Variants in BCL7C observed in about 807,000 individuals in gnomAD.
The protein encoded by BCL7C is B-cell CLL/lymphoma 7 protein family member C.
In BCL7C, 8 loss-of-function variants were observed where a neutral mutation model predicts 26.2. The ratio of observed to expected loss-of-function variants is 0.30; its 90% CI spans 0.18 to 0.55. The LOEUF (loss-of-function observed/expected upper bound fraction) is 0.55. BCL7C is among the 20% of genes least tolerant of loss of function. BCL7C has a pLI of 0.93. For missense variants in BCL7C, 262 were observed against 298.5 expected (o/e 0.88, Z 0.90); for synonymous variants, 90 against 116.5 (o/e 0.77, Z 1.47).
chr16:30,863,625 C>T (rs532853965), intron 5 of BCL7C, among the ~76,000 whole-genome samples: 22 of 152,282 alleles, frequency 1.4e-4, no homozygotes, highest in African/African-American at 3.8e-4. Context: ...CTGTCCCTCA[C>T]GGCTAGTTTT....
chr16:30,878,078 G>A (rs1372390774), intron 5 of BCL7C, among the ~76,000 whole-genome samples: 1 of 152,062 alleles, frequency 6.6e-6, no homozygotes, highest in African/African-American at 2.4e-5. Context: ...GGGAGGCTGA[G>A]GCACGAGAAT....
At chr16:30,836,650 A>G (rs1009026148) in intron 5 of BCL7C, among the ~76,000 whole-genome samples, 5 of 151,356 alleles carry the variant, frequency 3.3e-5, no homozygotes, top group African/African-American at 9.7e-5. Flanking sequence ...TAATTTTTGT[A>G]TTTTTTGTAG....
chr16:30,859,786 C>T (rs948401008), intron 5 of BCL7C, among the ~76,000 whole-genome samples: 6 of 152,214 alleles, frequency 3.9e-5, no homozygotes, highest in African/African-American at 1.2e-4. Flanking sequence ...ATTCTGTTTT[C>T]GGACTCTGCC....
chr16:30,839,857 T>C (rs1294671947), intron 5 of BCL7C, among the ~76,000 whole-genome samples: 2 of 152,228 alleles, frequency 1.3e-5, no homozygotes, highest in Non-Finnish European at 2.9e-5. Flanking sequence ...AGCTGCTAAA[T>C]GCGTAGTAAT....
At chr16:30,862,937 A>G (rs1386647294) in intron 5 of BCL7C, among the ~76,000 whole-genome samples, 2 of 152,118 alleles carry the variant, frequency 1.3e-5, no homozygotes, top group Non-Finnish European at 2.9e-5. Flanking sequence ...AATTCATCCC[A>G]ACCCTTTTTG....
chr16:30,864,023 T>C (rs2054800252), intron 5 of BCL7C, among the ~76,000 whole-genome samples: 1 of 152,108 alleles, frequency 6.6e-6, no homozygotes, highest in Non-Finnish European at 1.5e-5. Context: ...CCCAGCTATC[T>C]CCATCACACT....
At chr16:30,846,123 A>G (rs2054633543) in intron 5 of BCL7C, among the ~76,000 whole-genome samples, 1 of 148,680 alleles carries the variant, frequency 6.7e-6, no homozygotes, top group Non-Finnish European at 1.5e-5. Flanking sequence ...AAAAAAAAAA[A>G]AGAAAGATCC....
intron 5 of BCL7C, among the ~76,000 whole-genome samples, chr16:30,850,307 C>G (rs1235556261): frequency 6.6e-6 from 1 of 151,990 alleles, no homozygotes; most frequent in East Asian, 1.9e-4. Flanking sequence ...GCAAACACAT[C>G]TCTTATAGTT....
At position 30,849,780 on chromosome 16, in the gene BCL7C, C is replaced by G. The variant is rs1163164311; in HGVS notation, c.529-14632G>C. On this transcript the variant is annotated intron_variant, in intron 5 of 5. Transcript: ENST00000380317. ...TTTTTCTTTTTTTTTTTTTTGGAGT[C>G]AGGGTCTTTCTGTCACTCAGGCTGG... is the stretch of plus-strand genomic sequence containing the variant. Among the ~76,000 whole-genome samples the G allele has an allele frequency of 2.8e-5, 4 of 145,146 alleles. No homozygotes were observed. In the Admixed American group the frequency reaches 2.8e-4, roughly 10 times the overall value.
At chr16:30,866,158 G>A (rs1285714222) in intron 5 of BCL7C, among the ~76,000 whole-genome samples, 3 of 152,136 alleles carry the variant, frequency 2.0e-5, no homozygotes, top group Non-Finnish European at 4.4e-5. Flanking sequence ...TAAAGGCAGC[G>A]TCTTTCAGGG....
At chr16:30,856,750 G>A (rs895029202) in intron 5 of BCL7C, among the ~76,000 whole-genome samples, 11 of 152,182 alleles carry the variant, frequency 7.2e-5, no homozygotes, top group Non-Finnish European at 1.5e-4. Context: ...GTATAGCACT[G>A]CTCTAACCTT....
chr16:30,835,417 A>G (rs1046810489), intron 5 of BCL7C, among the ~76,000 whole-genome samples: 2 of 152,206 alleles, frequency 1.3e-5, no homozygotes, highest in South Asian at 2.1e-4. Context: ...TGGGCAAGCT[A>G]CATAACTTCC....
intron 5 of BCL7C, among the ~76,000 whole-genome samples, chr16:30,836,563 C>T (rs1228640729): frequency 6.7e-6 from 1 of 148,402 alleles, no homozygotes; most frequent in Non-Finnish European, 1.5e-5. Flanking sequence ...AAGCCTCAAA[C>T]TCCACATCTC....
At chr16:30,877,180 C>G (rs2054962801) in intron 5 of BCL7C, among the ~76,000 whole-genome samples, 1 of 152,160 alleles carries the variant, frequency 6.6e-6, no homozygotes, top group Admixed American at 6.5e-5. Context: ...CCCCCTACCC[C>G]CCTACCCCAC....
At chr16:30,860,246 T>C (rs970241053) in intron 5 of BCL7C, among the ~76,000 whole-genome samples, 4 of 152,198 alleles carry the variant, frequency 2.6e-5, no homozygotes, top group Non-Finnish European at 1.5e-5. Flanking sequence ...ACCTGCCTGA[T>C]TATTCACCCC....
intron 5 of BCL7C, among the ~76,000 whole-genome samples, chr16:30,855,928 T>C (rs1402348063): frequency 6.6e-6 from 1 of 151,004 alleles, no homozygotes; most frequent in Non-Finnish European, 1.5e-5. Context: ...GGTGTGGTGG[T>C]GCAGGCGCCT....
intron 5 of BCL7C, among the ~76,000 whole-genome samples, chr16:30,835,406 T>C (rs78564257): frequency 0.034 from 5,143 of 152,234 alleles, 274 homozygotes; most frequent in African/African-American, 0.12. Context: ...TAGTGTAATC[T>C]TGGGCAAGCT....
chr16:30,887,985 G>T lies in BCL7C; in HGVS notation c.534C>A (p.Pro178=). 6.2e-7 allele frequency: 1 copy of T among 1,605,384 alleles called. No homozygotes were observed. Among genetic ancestry groups the T allele is most frequent in the African/African-American group, 1.3e-5 (1 of 74,306 alleles). Residue 178 remains proline, a synonymous_variant, in exon 6 of 6, where the codon CCC becomes CCA. Transcript: ENST00000215115. Reference sequence around the variant, plus strand: ...CTGGCTCAAAGACAGGGTAAGCTTCGGGGGCCTGGAGAGGAAGGGTGGACA... The same window carrying T: ...CTGGCTCAAAGACAGGGTAAGCTTCTGGGGCCTGGAGAGGAAGGGTGGACA... ...PVPELLEAEA[P]EAYPVFEPVP... is the part of the protein sequence containing the mutation.
chr16:30,869,738 C>CTTAG (rs1321881384), intron 5 of BCL7C, among the ~76,000 whole-genome samples: 1 of 152,024 alleles, frequency 6.6e-6, no homozygotes, highest in Non-Finnish European at 1.5e-5. Flanking sequence ...GTCTCCAACT[C>CTTAG]TTAGCCTCAA....
Sources: gnomAD v4.1 joint callset for allele counts (sites outside exome capture counted in the v4.1 genomes callset) on GRCh38, gnomAD v4.1.1 for gene constraint, MANE v1.5 for transcripts, NCBI Gene and HGNC (gene_info 2026-07-23, HGNC 2026-07-21) for gene names.